Variants in FKBP15 observed in about 807,000 individuals in gnomAD.
FKBP15 encodes the protein FKBP prolyl isomerase family member 15.
A neutral mutation model predicts 158.1 loss-of-function variants in FKBP15; 106 were observed. The observed-to-expected ratio is 0.67, with a 90% CI of 0.57 to 0.79. The LOEUF is 0.79. FKBP15 is among the 30% of genes least tolerant of loss of function. The pLI, the probability that FKBP15 is intolerant of heterozygous loss-of-function variation, is 0.00. For synonymous variants in FKBP15, 547 were observed against 548.6 expected (o/e 1.00, Z 0.04); for missense variants, 1,287 against 1,479.1 (o/e 0.87, Z 2.13).
rs549723008 is a variant in FKBP15 at position 113,162,463 on chromosome 9, T to G, written c.*3615A>C. The G allele has an allele frequency of 7.0e-6, 2 of 285,862 alleles. No homozygotes were observed. Among genetic ancestry groups the G allele is most frequent in the South Asian group, 5.7e-5 (1 of 17,636 alleles). 17.7% of individuals were successfully genotyped at this position (285,862 alleles called of 1,614,324 possible). A position where few individuals can be genotyped will look rare whatever the true frequency, so the allele number is the denominator to read the frequency against. On this transcript the variant is annotated 3_prime_UTR_variant, in exon 28 of 28. Coordinates refer to ENST00000238256, the MANE Select transcript of FKBP15 (RefSeq NM_015258.2). ...CTTACTGATGATTTTCTCTTATTCC[T>G]TATCAGAAAGACAGATTATAGATAC...
intron 11 of FKBP15, among the ~76,000 whole-genome samples, chr9:113,193,118 G>C (rs1337647989): frequency 6.6e-6 from 1 of 152,180 alleles, no homozygotes; most frequent in African/African-American, 2.4e-5. Context: ...GATCACAGAA[G>C]TTAGACAATT....
intron 15 of FKBP15, among the ~76,000 whole-genome samples, chr9:113,185,453 A>G (rs1165336679): frequency 6.6e-6 from 1 of 152,208 alleles, no homozygotes; most frequent in Non-Finnish European, 1.5e-5. Context: ...GCTTCCAGAT[A>G]AAGGCTGCAT....
At chr9:113,175,873 G>T (rs1830290944) in intron 21 of FKBP15, among the ~76,000 whole-genome samples, 1 of 152,182 alleles carries the variant, frequency 6.6e-6, no homozygotes, top group Admixed American at 6.5e-5. Flanking sequence ...TATGTAGAGT[G>T]GGGAAGAATG....
rs757601230 is a variant in FKBP15, at chr9:113,211,467, CT to C, written c.169+9del. The stretch of plus-strand genomic sequence containing the variant: ...AGCCACCTCGCTCGGCTAATACACT[CT>C]TAACTTACCTGTTGCTGCCGTTCCC... On this transcript the variant is annotated intron_variant, in intron 2 of 27. Coordinates refer to ENST00000238256, the MANE Select transcript of FKBP15 (RefSeq NM_015258.2). 6.3e-7 allele frequency: 1 copy of C among 1,598,694 alleles called. No individual in the cohort carries two copies. Among genetic ancestry groups the C allele is most frequent in the Non-Finnish European group, 8.5e-7 (1 of 1,172,032 alleles).
At chr9:113,200,968 C>T (rs144829709) in intron 6 of FKBP15, among the ~76,000 whole-genome samples, 1,950 of 150,574 alleles carry the variant, frequency 0.013, 47 homozygotes, top group African/African-American at 0.045. Context: ...CGCTTGAACC[C>T]GGGAGGCGGA....
At chr9:113,220,501 TTTTAAGC>T (rs558174333) in intron 1 of FKBP15, among the ~76,000 whole-genome samples, 12 of 152,190 alleles carry the variant, frequency 7.9e-5, no homozygotes, top group Non-Finnish European at 1.5e-4. Context: ...GTTACGTTGG[TTTTAAGC>T]TTTAAGCTTT....
intron 12 of FKBP15, 103 bp from the exon 13 acceptor site, chr9:113,188,594 G>T: frequency 1.1e-6 from 1 of 902,246 alleles, no homozygotes; most frequent in Non-Finnish European, 1.7e-6. Context: ...GGATTTCTAG[G>T]CAAAGAAGAG....
At chr9:113,187,980 A>G (rs1830513428) in intron 13 of FKBP15, 81 bp from the exon 14 acceptor site, 4 of 1,003,170 alleles carry the variant, frequency 4.0e-6, no homozygotes, top group South Asian at 2.8e-5. Context: ...ACATACTATC[A>G]TGCTTCAGAC....
intron 1 of FKBP15, among the ~76,000 whole-genome samples, chr9:113,215,644 A>ATATT (rs1491257448): frequency 1.6e-5 from 1 of 61,584 alleles, no homozygotes; most frequent in African/African-American, 7.2e-5. Context: ...ATATATATAT[A>ATATT]TTTTTTTTTT....
Position 113,173,508 on chromosome 9 carries a change from T to C in FKBP15, c.2477A>G (p.Glu826Gly), listed in dbSNP as rs1257506102. The change falls in exon 23 of 28, where the codon GAG (glutamate) becomes GGG (glycine). Residue 826 changes from glutamate to glycine, a missense_variant. Physicochemically the swap from Glu to Gly is moderately conservative, Grantham distance 98 (BLOSUM62 -2). Coordinates refer to ENST00000238256, the MANE Select transcript of FKBP15 (RefSeq NM_015258.2). ...GTAGGCATCTCTCTGTGCGCACACCTCCTGGTACTGCTGCAGGTGCTCATC... is the reference window on the plus strand; with the variant it reads ...GTAGGCATCTCTCTGTGCGCACACCCCCTGGTACTGCTGCAGGTGCTCATC... ...AKDEHLQQYQ[E>G]VCAQRDAYQQ... is the part of the protein sequence containing the mutation. 6.2e-7 allele frequency: 1 copy of C among 1,613,896 alleles called. No homozygotes were observed. The highest frequency in any genetic ancestry group is 1.7e-5 in the Admixed American group (1 of 60,002).
intron 1 of FKBP15, 111 bp downstream of exon 1, chr9:113,221,080 G>T: frequency 8.4e-7 from 1 of 1,194,980 alleles, no homozygotes; most frequent in Non-Finnish European, 1.2e-6. Context: ...AATGTGGCAA[G>T]GGTCTCCCCC....
At chr9:113,199,693 TG>T in intron 7 of FKBP15, 120 bp downstream of exon 7, 2 of 1,059,120 alleles carry the variant, frequency 1.9e-6, no homozygotes, top group Non-Finnish European at 2.7e-6. Context: ...GTGTCTAAAG[TG>T]GGGATCCTAA....
intron 11 of FKBP15, among the ~76,000 whole-genome samples, 185 bp downstream of exon 11, chr9:113,193,307 C>T (rs1029721821): frequency 6.6e-6 from 1 of 152,072 alleles, no homozygotes; most frequent in Non-Finnish European, 1.5e-5. Context: ...GCACATAAAA[C>T]CTCAGCACAC....
At position 113,164,660 on chromosome 9, in the gene FKBP15, G is replaced by GTGAC. The variant is rs1306174118; in HGVS notation, c.*1414_*1417dup. 1 of 152,258 alleles carries GTGAC rather than the reference G, an allele frequency of 6.6e-6. No homozygotes were observed. Among genetic ancestry groups the GTGAC allele is most frequent in the Non-Finnish European group, 1.5e-5 (1 of 68,080 alleles). The allele number at this position is 152,258 out of a possible 1,614,324, so 9.4% of individuals were successfully genotyped here. A position where few individuals can be genotyped will look rare whatever the true frequency, so the allele number is the denominator to read the frequency against. The stretch of plus-strand genomic sequence containing the variant: ...GCATCACCGCCCCTTCCCCCAACCA[G>GTGAC]TGACAGTCAGGCTGTGCTGGCCAAG... On this transcript the variant is annotated 3_prime_UTR_variant, in exon 28 of 28. Transcript: ENST00000238256.
intron 2 of FKBP15, among the ~76,000 whole-genome samples, chr9:113,210,623 T>C (rs990276162): frequency 3.9e-5 from 6 of 152,150 alleles, no homozygotes; most frequent in Non-Finnish European, 1.5e-5. Flanking sequence ...GTCAACTTGA[T>C]TGGATTGAAG....
intron 6 of FKBP15, among the ~76,000 whole-genome samples, chr9:113,200,939 G>T (rs913929179): frequency 1.3e-5 from 2 of 151,820 alleles, no homozygotes; most frequent in Non-Finnish European, 2.9e-5. Flanking sequence ...AGCTACTTGG[G>T]AGGCTGGGGC....
intron 19 of FKBP15, among the ~76,000 whole-genome samples, chr9:113,179,034 ATT>A (rs1418006115): frequency 6.7e-6 from 1 of 149,928 alleles, no homozygotes. Context: ...TATACTTAAA[ATT>A]TTTTTTTTTT....
At chr9:113,195,035 A>T (rs756786156) in intron 9 of FKBP15, among the ~76,000 whole-genome samples, 1 of 152,334 alleles carries the variant, frequency 6.6e-6, no homozygotes, top group Admixed American at 6.5e-5. Context: ...AAATTAGTTA[A>T]AATTGTTGGA....
chr9:113,181,565 T>TAATTA (rs1830396425), intron 19 of FKBP15, among the ~76,000 whole-genome samples: 1 of 152,190 alleles, frequency 6.6e-6, no homozygotes, highest in African/African-American at 2.4e-5. Context: ...TTAGAATCTC[T>TAATTA]GGAGGTTCGG....
Sources: gnomAD v4.1 joint callset for allele counts (sites outside exome capture counted in the v4.1 genomes callset) on GRCh38, gnomAD v4.1.1 for gene constraint, MANE v1.5 for transcripts, NCBI Gene and HGNC (gene_info 2026-07-23, HGNC 2026-07-21) for gene names.